The following TBATA variants were observed in gnomAD, a reference collection of about 807,000 sequenced individuals.
TBATA encodes protein TBATA.
Under a neutral mutation model 38.7 loss-of-function variants are expected in TBATA, and 47 were observed. The ratio of observed to expected loss-of-function variants is 1.21; its 90% CI spans 0.96 to 1.55. The LOEUF (loss-of-function observed/expected upper bound fraction) is 1.55. Ranked by LOEUF, TBATA falls within the 40% of genes most tolerant of loss-of-function variation. The probability of loss-of-function intolerance (pLI) is 0.00; values close to 1 mark genes in which losing one functional copy is unlikely to be tolerated. For synonymous variants in TBATA, 183 were observed against 170.5 expected, an observed-to-expected ratio of 1.07 and a Z score of -0.57; for missense variants, 436 against 435.6, an observed-to-expected ratio of 1.00 and a Z score of -0.01.
chr10:70,778,866 C>T, intron 5 of TBATA: 2 of 625,218 alleles, frequency 3.2e-6, no homozygotes, highest in Admixed American at 4.6e-5. Flanking sequence ...TTCCTTCTAG[C>T]AGGGGCTGAT....
chr10:70,779,766 G>A (rs747901301), intron 4 of TBATA, 24 bp from the exon 5 acceptor site: 1 of 1,519,522 alleles, frequency 6.6e-7, no homozygotes, highest in Non-Finnish European at 8.7e-7. Context: ...GAGGCTGTGG[G>A]AAGGGAGGCT....
At chr10:70,775,078 G>A in intron 8 of TBATA, 111 bp downstream of exon 8, 1 of 979,762 alleles carries the variant, frequency 1.0e-6, no homozygotes, top group East Asian at 2.5e-5. Context: ...CTCCATGGAA[G>A]GCCCCCTCCA....
chr10:70,779,268 A>G (rs1394279409), intron 5 of TBATA, among the ~76,000 whole-genome samples: 1 of 152,228 alleles, frequency 6.6e-6, no homozygotes, highest in African/African-American at 2.4e-5. Flanking sequence ...CACACAAGCT[A>G]CTAAATATTC....
In TBATA at chr10:70,778,648, G is replaced by C; in HGVS notation, c.428-12C>G. The C allele has an allele frequency of 6.2e-7, 1 of 1,613,836 alleles. No homozygotes were observed. The highest frequency in any genetic ancestry group is 8.5e-7 in the Non-Finnish European group (1 of 1,179,798). On this transcript the variant is annotated splice_polypyrimidine_tract_variant and intron_variant, in intron 5 of 10. Transcript: ENST00000456372. ...CTTCTTCCAGGCTTCTGGGAGGAGGGGACAAGGTCCTGCCAACTGAAGTCA... is the reference window on the plus strand; with the variant it reads ...CTTCTTCCAGGCTTCTGGGAGGAGGCGACAAGGTCCTGCCAACTGAAGTCA...
intron 4 of TBATA, among the ~76,000 whole-genome samples, chr10:70,781,154 C>T (rs1040968357): frequency 3.9e-5 from 6 of 152,218 alleles, no homozygotes; most frequent in Non-Finnish European, 4.4e-5. Flanking sequence ...AGAGTGGGAG[C>T]GCTCTTGCCT....
intron 8 of TBATA, 65 bp downstream of exon 8, chr10:70,775,124 C>T: frequency 2.0e-6 from 3 of 1,480,314 alleles, no homozygotes; most frequent in Non-Finnish European, 2.8e-6. Flanking sequence ...TCCTGCAGAA[C>T]CAGAGATCAA....
Position 70,774,373 on chromosome 10 carries a change from G to C in TBATA, c.776-16C>G. 6.4e-7 allele frequency: 1 copy of C among 1,572,590 alleles called. No homozygotes were observed. The highest frequency in any genetic ancestry group is 8.6e-7 in the Non-Finnish European group (1 of 1,159,094). ...AGGTCTTTTTCTGAAAGCACAGCCC[G>C]GGGGCAGTGTCCTCAGCCCCCAGCC... is the stretch of plus-strand genomic sequence containing the variant. On this transcript the variant is annotated splice_polypyrimidine_tract_variant and intron_variant, in intron 8 of 10. Coordinates refer to ENST00000456372, the MANE Select transcript of TBATA (RefSeq NM_001318241.2).
intron 3 of TBATA, chr10:70,782,686 T>C (rs1844403223): frequency 1.0e-6 from 1 of 980,012 alleles, no homozygotes; most frequent in African/African-American, 1.7e-5. Flanking sequence ...CAAGCCAGCT[T>C]GGGTCCTCTC....
chr10:70,782,132 T>C (rs1844297245), intron 3 of TBATA, 96 bp from the exon 4 acceptor site: 1 of 1,348,152 alleles, frequency 7.4e-7, no homozygotes, highest in Admixed American at 2.1e-5. Flanking sequence ...AACCCCTTCC[T>C]GAGGAGCTCT....
At position 70,778,432 on chromosome 10, in the gene TBATA, C is replaced by T. The variant is rs577728409; in HGVS notation, c.507+125G>A. Reference sequence around the variant, plus strand: ...TCCCTCACTGTGACCTTTCCCCTGACGTTTGTATGAATCAGTCCCCCCACC... The same window carrying T: ...TCCCTCACTGTGACCTTTCCCCTGATGTTTGTATGAATCAGTCCCCCCACC... On this transcript the variant is annotated intron_variant, in intron 6 of 10. Coordinates refer to ENST00000456372, the MANE Select transcript of TBATA (RefSeq NM_001318241.2). The T allele has an allele frequency of 8.1e-5, 76 of 934,964 alleles. 1 individual carries two copies. Among genetic ancestry groups the T allele is most frequent in the South Asian group, 6.3e-4 (47 of 74,608 alleles). 57.9% of individuals were successfully genotyped at this position (934,964 alleles called of 1,614,324 possible).
chr10:70,781,069 C>T (rs563705834), intron 4 of TBATA, among the ~76,000 whole-genome samples: 2 of 152,198 alleles, frequency 1.3e-5, no homozygotes, highest in Admixed American at 6.5e-5. Flanking sequence ...CACTGTCTCC[C>T]TGATGCCTTC....
intron 2 of TBATA, among the ~76,000 whole-genome samples, chr10:70,784,156 C>T (rs1304273227): frequency 6.6e-6 from 1 of 152,070 alleles, no homozygotes; most frequent in Non-Finnish European, 1.5e-5. Context: ...TGATCATGAA[C>T]ATGCGATAAA....
rs192498785 is a variant in TBATA, at chr10:70,781,538, A to G, written c.277+263T>C. On this transcript the variant is annotated intron_variant, in intron 4 of 10. Coordinates refer to ENST00000456372, the MANE Select transcript of TBATA (RefSeq NM_001318241.2). ...AGAGAACAGAGCACTGCTCCAGGAC[A>G]GAACTTATCCCTTTCTCTGATTTGT... 1.4e-4 allele frequency among the ~76,000 whole-genome samples: 22 copies of G among 152,384 alleles called. No homozygotes were observed. The Middle Eastern group carries it at 0.01, about 71-fold the overall frequency.
chr10:70,774,403 TC>T, intron 8 of TBATA, 46 bp from the exon 9 acceptor site: 1 of 1,534,692 alleles, frequency 6.5e-7, no homozygotes, highest in South Asian at 1.2e-5. Flanking sequence ...CCAGCCCCCT[TC>T]CTGTCCCTGT....
chr10:70,782,534 C>A (rs1348311351), intron 3 of TBATA: 22 of 1,265,266 alleles, frequency 1.7e-5, no homozygotes, highest in Admixed American at 2.4e-5. Flanking sequence ...CGTCCAGAGG[C>A]CAGAGCTGGA....
Position 70,772,909 on chromosome 10 carries a change from C to A in TBATA, c.921-343G>T, listed in dbSNP as rs376203821. Among the ~76,000 whole-genome samples, 5 of 152,344 alleles carry A rather than the reference C, an allele frequency of 3.3e-5. No individual in the cohort carries two copies. In the East Asian group the frequency reaches 7.7e-4, roughly 23 times the overall value. ...CCTGACTCACTCGCTCCACTGGTTT[C>A]CTTGTGGACTTCCCTTTGAGTGGGC... On this transcript the variant is annotated intron_variant, in intron 9 of 10. Coordinates refer to ENST00000456372, the MANE Select transcript of TBATA (RefSeq NM_001318241.2).
chr10:70,777,402 A>AG, intron 6 of TBATA, 64 bp from the exon 7 acceptor site: 1 of 1,493,892 alleles, frequency 6.7e-7, no homozygotes, highest in South Asian at 1.2e-5. Flanking sequence ...GGCTGAGGGG[A>AG]GGAGAGGAGC....
chr10:70,781,850 G>A lies in TBATA; in HGVS notation c.228C>T (p.Ser76=). 6.2e-7 allele frequency: 1 copy of A among 1,614,160 alleles called. No individual in the cohort carries two copies. Among genetic ancestry groups the A allele is most frequent in the Non-Finnish European group, 8.5e-7 (1 of 1,179,960 alleles). The change falls in exon 4 of 11, where the codon TCC becomes TCT. Residue 76 remains serine (S), a synonymous_variant. Transcript: ENST00000456372. ...GGTGTGGGTGGTGCCGGGAGAAGAA[G>A]GAGTGGTGACTGAGGCGTCCAAAGC... The part of the protein sequence containing the change: ...TYCFGRLSHH[S]FFSRHHPHPQ...
In TBATA at chr10:70,771,546, G is replaced by A. The variant is rs534669700; in HGVS notation, c.974-85C>T. On this transcript the variant is annotated intron_variant, in intron 10 of 10. Coordinates refer to ENST00000456372, the MANE Select transcript of TBATA (RefSeq NM_001318241.2). ...AGCTGCAGGTGGATGTGTGAGTGCT[G>A]AGGGGAAGGTCTGAGTCAAGCCCAG... The A allele has an allele frequency of 1.1e-5, 15 of 1,322,602 alleles. No homozygotes were observed. The East Asian group carries it at 3.5e-4, about 31-fold the overall frequency. 81.9% of individuals were successfully genotyped at this position (1,322,602 alleles called of 1,614,324 possible).
Sources: gnomAD v4.1 joint callset for allele counts (sites outside exome capture counted in the v4.1 genomes callset) on GRCh38, gnomAD v4.1.1 for gene constraint, MANE v1.5 for transcripts, NCBI Gene and HGNC (gene_info 2026-07-23, HGNC 2026-07-21) for gene names.